SLC4A10: variants seen among roughly 807,000 people sequenced by gnomAD.
SLC4A10 encodes the protein solute carrier family 4 member 10, also known as sodium-driven chloride bicarbonate exchanger.
Under a neutral mutation model 137.7 loss-of-function variants are expected in SLC4A10, and 42 were observed. The observed-to-expected ratio is 0.30, with a 90% CI of 0.24 to 0.39. The LOEUF (loss-of-function observed/expected upper bound fraction) is 0.39, where lower values mean the gene tolerates loss of function less well. Among genes scored for constraint, SLC4A10 ranks in the 10% least tolerant of loss-of-function variants. SLC4A10 has a pLI of 1.00. For synonymous variants in SLC4A10, 474 were observed against 464.1 expected (o/e 1.02, Z -0.27); for missense variants, 925 against 1,355.0 (o/e 0.68, Z 4.98).
rs546305548 is a variant in SLC4A10, at chr2:161,847,374, G to A, written c.416+7447G>A. 4.1e-4 allele frequency among the ~76,000 whole-genome samples: 63 copies of A among 151,910 alleles called. 1 individual carries two copies. The highest frequency in any genetic ancestry group is 3.4e-3 in the Middle Eastern group (1 of 294). ...TTTCCAACTTTTATTTTAGGTTCAA[G>A]GGGTATATGTGCAGGGTTGTTTCAT... is the stretch of plus-strand genomic sequence containing the variant. On this transcript the variant is annotated intron_variant, in intron 4 of 26. Transcript: ENST00000446997.
chr2:161,850,707 T>C (rs183139340), intron 4 of SLC4A10, among the ~76,000 whole-genome samples: 138 of 152,296 alleles, frequency 9.1e-4, no homozygotes, highest in African/African-American at 3.2e-3. Flanking sequence ...ATCTCCATTT[T>C]ATTCTGTTCA....
At chr2:161,946,468 T>A (rs76438605) in intron 16 of SLC4A10, among the ~76,000 whole-genome samples, 2,001 of 152,158 alleles carry the variant, frequency 0.013, 41 homozygotes, top group East Asian at 0.098. Context: ...GTGATCAATC[T>A]ATCAGTTCAT....
chr2:161,907,793 A>G lies in SLC4A10; in HGVS notation c.1997+1906A>G, dbSNP rs574330895. On this transcript the variant is annotated intron_variant, in intron 15 of 26. Coordinates refer to ENST00000446997, the MANE Select transcript of SLC4A10 (RefSeq NM_001178015.2). ...CTTTAAAATATTTGTCTGAAGTTAT[A>G]TAGATAGTGGTAAAACAAGAAATGG... 3.6e-4 allele frequency among the ~76,000 whole-genome samples: 55 copies of G among 152,354 alleles called. 1 individual carries two copies. The highest frequency in any genetic ancestry group is 1.3e-3 in the African/African-American group (52 of 41,576).
intron 1 of SLC4A10, among the ~76,000 whole-genome samples, chr2:161,659,211 T>C (rs1412643902): frequency 1.3e-5 from 2 of 152,230 alleles, no homozygotes; most frequent in Non-Finnish European, 1.5e-5. Context: ...CACGATGGAA[T>C]ACTATTCAGC....
intron 3 of SLC4A10, among the ~76,000 whole-genome samples, chr2:161,814,377 C>T (rs567920697): frequency 7.9e-5 from 12 of 152,116 alleles, no homozygotes; most frequent in Middle Eastern, 3.4e-3. Flanking sequence ...GGAGATTTCT[C>T]GAAGAACTTA....
At chr2:161,880,739 A>G (rs1042838189) in intron 9 of SLC4A10, among the ~76,000 whole-genome samples, 1 of 152,134 alleles carries the variant, frequency 6.6e-6, no homozygotes, top group African/African-American at 2.4e-5. Context: ...TGCTAATGGT[A>G]GAGTTACTAT....
At chr2:161,682,911 A>C (rs564012496) in intron 1 of SLC4A10, among the ~76,000 whole-genome samples, 1 of 152,152 alleles carries the variant, frequency 6.6e-6, no homozygotes, top group Non-Finnish European at 1.5e-5. Flanking sequence ...TTGCCCCTGC[A>C]TAATTTATAA....
chr2:161,645,177 C>G (rs1391302087), intron 1 of SLC4A10, among the ~76,000 whole-genome samples: 1 of 151,900 alleles, frequency 6.6e-6, no homozygotes, highest in Non-Finnish European at 1.5e-5. Context: ...TGTGAACATC[C>G]TACTTTATTT....
intron 2 of SLC4A10, among the ~76,000 whole-genome samples, chr2:161,800,512 A>C (rs1180790205): frequency 6.6e-6 from 1 of 152,062 alleles, no homozygotes; most frequent in Non-Finnish European, 1.5e-5. Flanking sequence ...AGAATGCATA[A>C]AATTGAGATT....
intron 15 of SLC4A10, among the ~76,000 whole-genome samples, chr2:161,928,780 A>G (rs1303114051): frequency 3.3e-5 from 5 of 151,954 alleles, no homozygotes; most frequent in African/African-American, 1.2e-4. Context: ...TAGCAATTAA[A>G]CTATTAAACT....
chr2:161,919,817 G>C (rs1687792503), intron 15 of SLC4A10, among the ~76,000 whole-genome samples: 1 of 152,174 alleles, frequency 6.6e-6, no homozygotes, highest in African/African-American at 2.4e-5. Context: ...GAGGAGAGAA[G>C]ACAGAAAGAG....
chr2:161,913,299 A>G (rs933379397), intron 15 of SLC4A10, among the ~76,000 whole-genome samples: 2 of 152,294 alleles, frequency 1.3e-5, no homozygotes, highest in Middle Eastern at 3.4e-3. Context: ...ACATACCATC[A>G]TTGAAAAGCA....
intron 1 of SLC4A10, among the ~76,000 whole-genome samples, chr2:161,721,022 T>C (rs1412253593): frequency 1.3e-5 from 2 of 152,064 alleles, no homozygotes; most frequent in African/African-American, 4.8e-5. Flanking sequence ...AGAGATGGGG[T>C]TTCACCATGT....
chr2:161,745,964 A>G (rs554913897), intron 1 of SLC4A10, among the ~76,000 whole-genome samples: 42 of 152,132 alleles, frequency 2.8e-4, no homozygotes, highest in African/African-American at 1.0e-3. Context: ...TGAGCTGCCT[A>G]AAGTTGAAGG....
intron 3 of SLC4A10, among the ~76,000 whole-genome samples, chr2:161,832,192 C>T (rs572313882): frequency 4.3e-4 from 65 of 152,340 alleles, no homozygotes; most frequent in African/African-American, 1.6e-3. Flanking sequence ...TTTGCACACC[C>T]TTCTGTGGGA....
chr2:161,818,654 C>T (rs2125678551), intron 3 of SLC4A10, among the ~76,000 whole-genome samples: 1 of 152,290 alleles, frequency 6.6e-6, no homozygotes, highest in South Asian at 2.1e-4. Flanking sequence ...TACATCCCAT[C>T]AATACCTAAT....
chr2:161,678,581 C>G (rs1057309223), intron 1 of SLC4A10, among the ~76,000 whole-genome samples: 1 of 152,134 alleles, frequency 6.6e-6, no homozygotes, highest in African/African-American at 2.4e-5. Context: ...AGGTATACAA[C>G]TTTTCCAATA....
Position 161,770,954 on chromosome 2 carries a change from C to A in SLC4A10, c.49-19C>A, listed in dbSNP as rs368004416. 1 of 1,571,614 alleles carries A rather than the reference C, an allele frequency of 6.4e-7. No individual in the cohort carries two copies. The highest frequency in any genetic ancestry group is 8.7e-7 in the Non-Finnish European group (1 of 1,148,220). ...AATATGTGTGTTATCATTTAATCTTCCTTATCCTCATTTAACAGAGAAATG... is the reference window on the plus strand; with the variant it reads ...AATATGTGTGTTATCATTTAATCTTACTTATCCTCATTTAACAGAGAAATG... On this transcript the variant is annotated intron_variant, in intron 1 of 26. Transcript: ENST00000446997.
At chr2:161,947,756 T>C in intron 17 of SLC4A10, 29 bp downstream of exon 17, 1 of 1,597,968 alleles carries the variant, frequency 6.3e-7, no homozygotes, top group Non-Finnish European at 8.5e-7. Context: ...GATCTAAATG[T>C]AAAATAACAT....
Sources: allele counts gnomAD v4.1 joint callset (sites outside exome capture counted in the v4.1 genomes callset), GRCh38; gene constraint gnomAD v4.1.1; transcripts MANE v1.5; gene names NCBI Gene and HGNC (gene_info 2026-07-23, HGNC 2026-07-21).